Variants in GIMAP8 observed in about 807,000 individuals in gnomAD.
GIMAP8 encodes GTPase IMAP family member 8.
In GIMAP8, 29 loss-of-function variants were observed where a neutral mutation model predicts 35.6. The observed-to-expected ratio is 0.81, with a 90% CI of 0.61 to 1.11. GIMAP8 has a LOEUF of 1.11. Among genes scored for constraint, GIMAP8 ranks in the 50% most tolerant of loss-of-function variants. GIMAP8 has a pLI of 0.00. For missense variants in GIMAP8, 811 were observed against 805.0 expected (o/e 1.01, Z -0.09); for synonymous variants, 335 against 308.7 (o/e 1.09, Z -0.89).
chr7:150,468,459 C>A (rs189905130), intron 2 of GIMAP8, among the ~76,000 whole-genome samples: 1 of 152,254 alleles, frequency 6.6e-6, no homozygotes, highest in East Asian at 1.9e-4. Flanking sequence ...GGGGAAGCCC[C>A]AGAGGGTGTA....
chr7:150,462,034 T>C (rs1310962250), intron 1 of GIMAP8, among the ~76,000 whole-genome samples: 1 of 152,184 alleles, frequency 6.6e-6, no homozygotes, highest in East Asian at 1.9e-4. Flanking sequence ...GAGCAGTGTT[T>C]TGTGGGCAGG....
intron 3 of GIMAP8, among the ~76,000 whole-genome samples, chr7:150,471,730 G>A (rs979649161): frequency 4.6e-5 from 7 of 151,888 alleles, no homozygotes; most frequent in South Asian, 4.1e-4. Context: ...TCAGCTACTC[G>A]GGAGGCTAAG....
chr7:150,464,412 T>G (rs1422065510), intron 1 of GIMAP8, among the ~76,000 whole-genome samples: 1 of 152,252 alleles, frequency 6.6e-6, no homozygotes, highest in African/African-American at 2.4e-5. Flanking sequence ...CTGAACATGG[T>G]GGCTCATGTC....
rs187833515 is a variant in GIMAP8, at chr7:150,475,589, C to G, written c.1309+951C>G. On this transcript the variant is annotated intron_variant, in intron 4 of 4. Coordinates refer to ENST00000307271, the MANE Select transcript of GIMAP8 (RefSeq NM_175571.4). ...AGAAGGGCTCCTCATCCACTTAGTG[C>G]TACACGTTCAGTTGACCTATGCTGA... is the stretch of plus-strand genomic sequence containing the variant. Among the ~76,000 whole-genome samples the G allele has an allele frequency of 2.4e-3, 364 of 152,296 alleles. 2 individuals carry two copies. The highest frequency in any genetic ancestry group is 8.2e-3 in the African/African-American group (340 of 41,548).
intron 1 of GIMAP8, among the ~76,000 whole-genome samples, chr7:150,457,257 C>G (rs1287772459): frequency 6.6e-6 from 1 of 152,240 alleles, no homozygotes; most frequent in African/African-American, 2.4e-5. Flanking sequence ...GGTTTAGGAA[C>G]ACCTCGAGCG....
At chr7:150,455,555 G>C (rs1035510004) in intron 1 of GIMAP8, among the ~76,000 whole-genome samples, 1 of 152,212 alleles carries the variant, frequency 6.6e-6, no homozygotes, top group Non-Finnish European at 1.5e-5. Flanking sequence ...AGAATCATTG[G>C]AGGAATCATG....
chr7:150,459,458 A>C (rs1585112895), intron 1 of GIMAP8, among the ~76,000 whole-genome samples: 1 of 152,156 alleles, frequency 6.6e-6, no homozygotes, highest in South Asian at 2.1e-4. Context: ...AAATGTTGCT[A>C]GTGGGTCACT....
At chr7:150,459,306 A>G (rs925059790) in intron 1 of GIMAP8, among the ~76,000 whole-genome samples, 4 of 152,200 alleles carry the variant, frequency 2.6e-5, no homozygotes, top group Non-Finnish European at 4.4e-5. Context: ...GTTGATTGAG[A>G]GGCATGAGGA....
chr7:150,468,656 G>A (rs1202959228), intron 2 of GIMAP8, among the ~76,000 whole-genome samples: 1 of 152,196 alleles, frequency 6.6e-6, no homozygotes, highest in East Asian at 1.9e-4. Context: ...ATGTATGCTT[G>A]TATGTATTTG....
intron 4 of GIMAP8, 98 bp downstream of exon 4, chr7:150,474,736 T>A (rs577888139): frequency 2.7e-4 from 219 of 807,178 alleles, no homozygotes; most frequent in African/African-American, 2.7e-3. Flanking sequence ...TCTTTTTTTT[T>A]ATTATACTTT....
At chr7:150,461,798 C>T (rs1444388912) in intron 1 of GIMAP8, among the ~76,000 whole-genome samples, 1 of 152,110 alleles carries the variant, frequency 6.6e-6, no homozygotes, top group Non-Finnish European at 1.5e-5. Flanking sequence ...AAGGTTGTTA[C>T]TGATAGATGA....
At chr7:150,476,408 T>C (rs1469526246) in intron 4 of GIMAP8, among the ~76,000 whole-genome samples, 2 of 152,234 alleles carry the variant, frequency 1.3e-5, no homozygotes, top group African/African-American at 2.4e-5. Flanking sequence ...ATTCATTCTC[T>C]TTCTCCATCA....
intron 1 of GIMAP8, among the ~76,000 whole-genome samples, chr7:150,458,292 TG>T (rs1161034557): frequency 6.6e-6 from 1 of 152,152 alleles, no homozygotes; most frequent in Non-Finnish European, 1.5e-5. Context: ...GGCAACCTGC[TG>T]TAGAACCAGG....
rs1404219336 is a variant in GIMAP8, at chr7:150,474,488, G to A, written c.1159G>A (p.Gly387Ser). ...FLRNSNKALYGLIQKCKNRYS... is the reference protein window; with the variant it reads ...FLRNSNKALYSLIQKCKNRYS... Reference sequence around the variant, plus strand: ...AAGAAACAGCAATAAAGCTCTCTATGGTCTCATCCAGAAGTGTAAAAACAG... The same window carrying A: ...AAGAAACAGCAATAAAGCTCTCTATAGTCTCATCCAGAAGTGTAAAAACAG... The change falls in exon 4 of 5, where the codon GGT becomes AGT. Residue 387 changes from glycine to serine, a missense_variant. Coordinates refer to ENST00000307271, the MANE Select transcript of GIMAP8 (RefSeq NM_175571.4). The A allele has an allele frequency of 1.2e-6, 2 of 1,613,756 alleles. No homozygotes were observed. Among genetic ancestry groups the A allele is most frequent in the East Asian group, 4.5e-5 (2 of 44,882 alleles).
chr7:150,454,794 CACTT>C (rs778719493), intron 1 of GIMAP8, among the ~76,000 whole-genome samples: 13 of 152,260 alleles, frequency 8.5e-5, no homozygotes, highest in Non-Finnish European at 1.5e-4. Flanking sequence ...ATTTAGTAAT[CACTT>C]ACTTTTGGGT....
In GIMAP8 at chr7:150,477,416, T is replaced by G; in HGVS notation, c.1634T>G (p.Val545Gly). The change falls in exon 5 of 5, where the codon GTG becomes GGG. Residue 545 changes from valine to glycine, a missense_variant. Transcript: ENST00000307271. ...GRFTEEDKTA[V>G]AKLEAIFGAD... ...TTCACTGAAGAGGACAAAACAGCTG[T>G]GGCGAAACTGGAGGCCATCTTTGGA... 3.7e-6 allele frequency: 6 copies of G among 1,613,966 alleles called. No individual in the cohort carries two copies. Among genetic ancestry groups the G allele is most frequent in the Non-Finnish European group, 5.1e-6 (6 of 1,179,802 alleles).
At chr7:150,457,715 G>GA (rs937955608) in intron 1 of GIMAP8, among the ~76,000 whole-genome samples, 12 of 152,300 alleles carry the variant, frequency 7.9e-5, no homozygotes, top group African/African-American at 2.9e-4. Flanking sequence ...ACAAGCACAT[G>GA]AAAAAATGTA....
At chr7:150,455,367 G>A (rs1801708585) in intron 1 of GIMAP8, among the ~76,000 whole-genome samples, 2 of 152,230 alleles carry the variant, frequency 1.3e-5, no homozygotes, top group Non-Finnish European at 2.9e-5. Flanking sequence ...AAGGTGTTGG[G>A]AGTTGCTCAG....
intron 1 of GIMAP8, among the ~76,000 whole-genome samples, chr7:150,455,412 A>T (rs1246198472): frequency 6.6e-6 from 1 of 152,236 alleles, no homozygotes; most frequent in Non-Finnish European, 1.5e-5. Context: ...AGTTATACTA[A>T]AGTTACAGGA....
Sources: gnomAD v4.1 joint callset for allele counts (sites outside exome capture counted in the v4.1 genomes callset) on GRCh38, gnomAD v4.1.1 for gene constraint, MANE v1.5 for transcripts, NCBI Gene and HGNC (gene_info 2026-07-23, HGNC 2026-07-21) for gene names.